Variants in DLG5 observed in about 807,000 individuals in gnomAD.
The protein encoded by DLG5 is disks large homolog 5.
In DLG5, 48 loss-of-function variants were observed where a neutral mutation model predicts 189.8. The ratio of observed to expected loss-of-function variants is 0.25; its 90% CI spans 0.20 to 0.32. The LOEUF is 0.32. Ranked by LOEUF, DLG5 falls within the 10% of genes least tolerant of loss-of-function variation. The probability of loss-of-function intolerance (pLI) is 1.00; values close to 1 mark genes in which losing one functional copy is unlikely to be tolerated. For missense variants in DLG5, 2,160 were observed against 2,544.7 expected, an observed-to-expected ratio of 0.85 and a Z score of 3.25; for synonymous variants, 1,016 against 1,054.1, an observed-to-expected ratio of 0.96 and a Z score of 0.70.
Position 77,811,058 on chromosome 10 carries a change from C to A in DLG5, c.4463+36G>T, listed in dbSNP as rs778297902. On this transcript the variant is annotated intron_variant, in intron 23 of 31. Transcript: ENST00000372391. ...TGTGCTCAGCCCCACCCAGCCGAAG[C>A]GGACACAGGGAAGGCTCACAGCAAC... 6.3e-6 allele frequency: 10 copies of A among 1,598,340 alleles called. No homozygotes were observed. The Admixed American group carries it at 1.3e-4, about 22-fold the overall frequency.
In DLG5 at chr10:77,853,536, T is replaced by C; in HGVS notation, c.682A>G (p.Thr228Ala). Residue 228 changes from threonine (T) to alanine (A), a missense_variant and splice_region_variant, in exon 5 of 32, where the codon ACA becomes GCA. Thr to Ala is a moderately conservative substitution (Grantham distance 58). Transcript: ENST00000372391. ...EVAKETDFYH[T>A]LHSRLLSDQT... The stretch of plus-strand genomic sequence containing the variant: ...TCACTCAGGAGCCGGCTGTGGAGTG[T>C]GCTGAAACACCCGGTACATGCTCAG... 3 of 1,594,356 alleles carry C rather than the reference T, an allele frequency of 1.9e-6. No individual in the cohort carries two copies. Among genetic ancestry groups the C allele is most frequent in the Non-Finnish European group, 2.6e-6 (3 of 1,169,440 alleles).
chr10:77,811,683 C>G lies in DLG5; in HGVS notation c.4322+241G>C, dbSNP rs76115784. Among the ~76,000 whole-genome samples the G allele has an allele frequency of 5.9e-4, 90 of 152,284 alleles. 1 individual carries two copies. The highest frequency in any genetic ancestry group is 2.0e-3 in the African/African-American group (84 of 41,568). ...CCCCGGGGCCACAACTCCTGGCTAC[C>G]ATGGGCCCCTGCTGGTCAGGGGGAC... On this transcript the variant is annotated intron_variant, in intron 22 of 31. Transcript: ENST00000372391.
At chr10:77,873,010 C>G (rs1227612295) in intron 1 of DLG5, among the ~76,000 whole-genome samples, 1 of 89,156 alleles carries the variant, frequency 1.1e-5, no homozygotes, top group African/African-American at 4.7e-5. Flanking sequence ...GATCAGCCTC[C>G]TGATGTGTGT....
chr10:77,814,505 A>ATATATATATATC (rs36102159), intron 20 of DLG5, among the ~76,000 whole-genome samples: 53 of 110,226 alleles, frequency 4.8e-4, no homozygotes, highest in Non-Finnish European at 6.5e-4. Flanking sequence ...ATATATATAT[A>ATATATATATATC]TCCAAAGGGT....
chr10:77,910,499 A>T (rs958839732), intron 1 of DLG5, among the ~76,000 whole-genome samples: 1 of 152,220 alleles, frequency 6.6e-6, no homozygotes, highest in African/African-American at 2.4e-5. Flanking sequence ...AGCCAGGAGA[A>T]TGTCAGGAAA....
chr10:77,854,275 T>C lies in DLG5; in HGVS notation c.632A>G (p.Asn211Ser), dbSNP rs952361223. ...DLQSLQNQHT[N>S]ALKRCEEVAK... The stretch of plus-strand genomic sequence containing the variant: ...CACCTCCTCACACCTCTTCAAGGCG[T>C]TGGTGTGCTGGTTCTGCAGGCTCTG... The change falls in exon 4 of 32, where the codon AAC (asparagine) becomes AGC (serine). Residue 211 changes from asparagine to serine, a missense_variant. By Grantham distance (46) the Asn-to-Ser change is conservative (BLOSUM62 1). Transcript: ENST00000372391. 10 of 1,614,160 alleles carry C rather than the reference T, an allele frequency of 6.2e-6. No homozygotes were observed. The South Asian group carries it at 9.9e-5, about 16-fold the overall frequency.
chr10:77,811,292 C>A, intron 22 of DLG5, 58 bp from the exon 23 acceptor site: 5 of 1,570,400 alleles, frequency 3.2e-6, no homozygotes, highest in South Asian at 1.2e-5. Flanking sequence ...GAGCCACCCC[C>A]ACTCCTGTGG....
intron 1 of DLG5, among the ~76,000 whole-genome samples, chr10:77,873,031 G>GTGTGCGCGCA (rs201196944): frequency 2.2e-5 from 1 of 45,488 alleles, no homozygotes; most frequent in African/African-American, 5.2e-5. Context: ...GTGTGTGTGT[G>GTGTGCGCGCA]CACACACACA....
intron 7 of DLG5, among the ~76,000 whole-genome samples, chr10:77,840,229 T>A (rs1843352291): frequency 6.7e-6 from 1 of 150,274 alleles, no homozygotes; most frequent in South Asian, 2.1e-4. Context: ...AAATTAAGAA[T>A]TAGCTGGGTG....
At chr10:77,895,251 C>T (rs765823482) in intron 1 of DLG5, among the ~76,000 whole-genome samples, 1 of 152,182 alleles carries the variant, frequency 6.6e-6, no homozygotes, top group Admixed American at 6.5e-5. Context: ...CGTTTCACTA[C>T]TCACGCCCCT....
chr10:77,933,691 T>A, the DLG5 span, among the ~76,000 whole-genome samples: 1 of 151,104 alleles, frequency 6.6e-6, no homozygotes, highest in Non-Finnish European at 1.5e-5. Context: ...GCCACTGCAC[T>A]CCAGCCCGGG....
chr10:77,811,376 A>G, intron 22 of DLG5, 142 bp from the exon 23 acceptor site: 4 of 1,056,622 alleles, frequency 3.8e-6, no homozygotes, highest in Non-Finnish European at 5.2e-6. Flanking sequence ...GAGCAGACAC[A>G]TTAGAAGCCT....
chr10:77,920,767 G>T (rs760442921), intron 1 of DLG5, among the ~76,000 whole-genome samples: 1 of 152,136 alleles, frequency 6.6e-6, no homozygotes, highest in Non-Finnish European at 1.5e-5. Flanking sequence ...TGAACAGAGG[G>T]GCCTGAGGTC....
the DLG5 span, among the ~76,000 whole-genome samples, chr10:77,938,029 T>G: frequency 6.6e-6 from 1 of 151,934 alleles, no homozygotes; most frequent in African/African-American, 2.4e-5. Context: ...TATTTTATAC[T>G]ACTTTTATGT....
rs540073241 is a variant in DLG5 at position 77,917,512 on chromosome 10, G to C, written c.304+8705C>G. On this transcript the variant is annotated intron_variant, in intron 1 of 31. Coordinates refer to ENST00000372391, the MANE Select transcript of DLG5 (RefSeq NM_004747.4). ...CATTCCAGCCTGAGCAACAGAGTGAGACTCCATCTCCAAAAAAAAAAAAAG... is the reference window on the plus strand; with the variant it reads ...CATTCCAGCCTGAGCAACAGAGTGACACTCCATCTCCAAAAAAAAAAAAAG... Among the ~76,000 whole-genome samples the C allele has an allele frequency of 8.4e-5, 11 of 131,166 alleles. No individual in the cohort carries two copies. The South Asian group carries it at 2.6e-3, about 31-fold the overall frequency. 86.0% of individuals were successfully genotyped at this position (131,166 alleles called of 152,430 possible).
At chr10:77,835,601 G>T (rs955607183) in intron 8 of DLG5, 137 bp downstream of exon 8, 3 of 889,964 alleles carry the variant, frequency 3.4e-6, no homozygotes, top group African/African-American at 1.7e-5. Flanking sequence ...TCAACTAGGG[G>T]TGAGAAAGGA....
chr10:77,877,012 G>A (rs563655327), intron 1 of DLG5, among the ~76,000 whole-genome samples: 253 of 152,034 alleles, frequency 1.7e-3, no homozygotes, highest in Non-Finnish European at 2.7e-3. Flanking sequence ...ACAGGTGTGC[G>A]CCACCACACC....
chr10:77,803,613 A>G (rs1263511396), intron 27 of DLG5, among the ~76,000 whole-genome samples: 2 of 152,236 alleles, frequency 1.3e-5, no homozygotes, highest in African/African-American at 4.8e-5. Flanking sequence ...TAAAAAGGTT[A>G]ATTTACCAGG....
intron 20 of DLG5, chr10:77,816,257 T>G: frequency 1.5e-6 from 1 of 652,008 alleles, no homozygotes; most frequent in South Asian, 1.5e-5. Context: ...GTAAAGTGCT[T>G]GAACAAGGGC....
Sources: gnomAD v4.1 joint callset for allele counts (sites outside exome capture counted in the v4.1 genomes callset) on GRCh38, gnomAD v4.1.1 for gene constraint, MANE v1.5 for transcripts, NCBI Gene and HGNC (gene_info 2026-07-23, HGNC 2026-07-21) for gene names.